SARS2: variants seen among roughly 807,000 people sequenced by gnomAD.
SARS2 encodes seryl-tRNA synthetase 2, mitochondrial.
Under a neutral mutation model 66.8 loss-of-function variants are expected in SARS2, and 52 were observed. That is an observed-to-expected ratio of 0.78 (90% CI 0.62 to 0.98). The LOEUF (loss-of-function observed/expected upper bound fraction) is 0.98. Among genes scored for constraint, SARS2 ranks in the 50% least tolerant of loss-of-function variants. The pLI, the probability that SARS2 is intolerant of heterozygous loss-of-function variation, is 0.00. For synonymous variants in SARS2, 306 were observed against 281.4 expected, an observed-to-expected ratio of 1.09 and a Z score of -0.87; for missense variants, 673 against 706.3, an observed-to-expected ratio of 0.95 and a Z score of 0.53.
intron 2 of SARS2, among the ~76,000 whole-genome samples, chr19:38,922,580 C>T (rs751462573): frequency 6.6e-6 from 1 of 152,130 alleles, no homozygotes; most frequent in Non-Finnish European, 1.5e-5. Flanking sequence ...TCGTGTAAAC[C>T]CTGTGATATG....
intron 1 of SARS2, among the ~76,000 whole-genome samples, chr19:38,927,382 A>G (rs1974645877): frequency 6.6e-6 from 1 of 152,074 alleles, no homozygotes; most frequent in African/African-American, 2.4e-5. Context: ...CAGCCTGGGC[A>G]ACATGGAGAA....
At chr19:38,923,898 C>T (rs527663938) in intron 2 of SARS2, among the ~76,000 whole-genome samples, 11 of 152,040 alleles carry the variant, frequency 7.2e-5, no homozygotes, top group East Asian at 1.9e-4. Flanking sequence ...GGCGTGAACC[C>T]GGGAGGCAAA....
chr19:38,923,244 C>T lies in SARS2; in HGVS notation c.364-977G>A, dbSNP rs796262567. Among the ~76,000 whole-genome samples the T allele has an allele frequency of 4.9e-3, 430 of 88,588 alleles. 3 individuals carry two copies. The highest frequency in any genetic ancestry group is 0.019 in the African/African-American group (402 of 21,184). The allele number at this position is 88,588 out of a possible 152,430, so 58.1% of individuals were successfully genotyped here. On this transcript the variant is annotated intron_variant, in intron 2 of 15. Transcript: ENST00000221431. ...CTTTTTTTTTTTTTTTTTTTTGAGA[C>T]GGAGTCTCGCTCTGTCGCCCAGGCT...
In SARS2 at chr19:38,921,353, G is replaced by A. The variant is rs80277295; in HGVS notation, c.589+39C>T. On this transcript the variant is annotated intron_variant, in intron 5 of 15. Transcript: ENST00000221431. ...CCCGAGACCCCAGAACCCCCACACC[G>A]CAGGGCTTGTCAGCTCCCAGGCCTG... 4.3e-3 allele frequency: 6,915 copies of A among 1,605,548 alleles called. 37 individuals are homozygous for A. The highest frequency in any genetic ancestry group is 0.011 in the South Asian group (1,018 of 90,518).
At chr19:38,920,288 G>C in intron 5 of SARS2, 139 bp from the exon 6 acceptor site, 1 of 719,658 alleles carries the variant, frequency 1.4e-6, no homozygotes, top group Non-Finnish European at 2.5e-6. Flanking sequence ...GGGAGAAGAA[G>C]ACACGGAAAG....
In SARS2 at chr19:38,915,623, G is replaced by T. The variant is rs1377858088; in HGVS notation, c.1540C>A (p.Gln514Lys). The T allele has an allele frequency of 6.2e-7, 1 of 1,612,704 alleles. No individual in the cohort carries two copies. Among genetic ancestry groups the T allele is most frequent in the Non-Finnish European group, 8.5e-7 (1 of 1,179,780 alleles). The stretch of plus-strand genomic sequence containing the variant: ...GTGGGTTCTTAGCTTACAGCAGGCT[G>T]GCCAGGCAGCCCAGGCTTCCGGGGC... ...NQPRKPGLPGQPAVS is the reference protein window; with the variant it reads ...NQPRKPGLPGKPAVS Residue 514 changes from glutamine to lysine, a missense_variant, in exon 16 of 16, where the codon CAG becomes AAG. Coordinates refer to ENST00000221431, the MANE Select transcript of SARS2 (RefSeq NM_017827.4).
At chr19:38,927,634 CA>C (rs1410957756) in intron 1 of SARS2, among the ~76,000 whole-genome samples, 2 of 152,094 alleles carry the variant, frequency 1.3e-5, no homozygotes, top group African/African-American at 4.8e-5. Context: ...TTTTCCATGG[CA>C]GCCGTACCAC....
At chr19:38,923,512 G>A (rs1600169748) in intron 2 of SARS2, among the ~76,000 whole-genome samples, 1 of 149,250 alleles carries the variant, frequency 6.7e-6, no homozygotes, top group Admixed American at 6.7e-5. Flanking sequence ...GTGAGCCACC[G>A]CGCCCGGCCT....
At chr19:38,920,658 GAC>G (rs1974504996) in intron 5 of SARS2, among the ~76,000 whole-genome samples, 1 of 149,470 alleles carries the variant, frequency 6.7e-6, no homozygotes, top group African/African-American at 2.5e-5. Context: ...CACATACACA[GAC>G]ACGCAGAGAC....
chr19:38,915,820 G>C (rs375903898), intron 15 of SARS2, 21 bp downstream of exon 15: 211 of 1,613,248 alleles, frequency 1.3e-4, no homozygotes, highest in Non-Finnish European at 1.8e-4. Flanking sequence ...GCCTCTCTGG[G>C]TGGGCCCCTC....
At chr19:38,916,436 C>G in intron 12 of SARS2, 122 bp from the exon 13 acceptor site, 4 of 811,362 alleles carry the variant, frequency 4.9e-6, no homozygotes, top group Non-Finnish European at 8.2e-6. Flanking sequence ...AGTTTGAGAC[C>G]AGCCTGGGCA....
chr19:38,921,364 C>G, intron 5 of SARS2, 28 bp downstream of exon 5: 1 of 1,611,528 alleles, frequency 6.2e-7, no homozygotes. Flanking sequence ...CAGGGCTTGT[C>G]AGCTCCCAGG....
At chr19:38,927,617 C>T (rs186676130) in intron 1 of SARS2, among the ~76,000 whole-genome samples, 76 of 152,194 alleles carry the variant, frequency 5.0e-4, no homozygotes, top group Non-Finnish European at 8.4e-4. Context: ...GAGGAACTGC[C>T]ATACGGTTTT....
At chr19:38,917,625 G>A in intron 12 of SARS2, 99 bp downstream of exon 12, 1 of 804,006 alleles carries the variant, frequency 1.2e-6, no homozygotes, top group East Asian at 2.7e-5. Flanking sequence ...CAACGAGGGG[G>A]CTGGAGAGGT....
At position 38,926,223 on chromosome 19, in the gene SARS2, C is replaced by T. The variant is rs769546666; in HGVS notation, c.345G>A (p.Glu115=). 47 of 1,606,640 alleles carry T rather than the reference C, an allele frequency of 2.9e-5. No individual in the cohort carries two copies. Among genetic ancestry groups the T allele is most frequent in the Non-Finnish European group, 3.9e-5 (46 of 1,179,942 alleles). Residue 115 remains glutamate (E), a synonymous_variant, in exon 2 of 16, where the codon GAG becomes GAA. Coordinates refer to ENST00000221431, the MANE Select transcript of SARS2 (RefSeq NM_017827.4). ...TGCTCACCAGCAGGGCCCGCACTGC[C>T]TCAGTCACAGCTGCCTTCTCTTCCT... The part of the protein sequence containing the change: ...SLEEEKAAVT[E]AVRALLANQD...
intron 7 of SARS2, 117 bp from the exon 8 acceptor site, chr19:38,918,930 C>T: frequency 1.7e-5 from 17 of 1,017,596 alleles, no homozygotes; most frequent in Non-Finnish European, 2.4e-5. Context: ...GAGGCAGGGG[C>T]TGGCGCAGTG....
At chr19:38,920,784 G>T (rs972047278) in intron 5 of SARS2, among the ~76,000 whole-genome samples, 2 of 149,612 alleles carry the variant, frequency 1.3e-5, no homozygotes, top group Non-Finnish European at 3.0e-5. Flanking sequence ...GATACACGGA[G>T]ATATGCAGAT....
At position 38,917,722 on chromosome 19, in the gene SARS2, A is replaced by G. The variant is rs1296961428; in HGVS notation, c.1160+2T>C. 1.4e-6 allele frequency: 2 copies of G among 1,414,496 alleles called. No individual in the cohort carries two copies. Among genetic ancestry groups the G allele is most frequent in the Non-Finnish European group, 1.9e-6 (2 of 1,050,330 alleles). 87.6% of individuals were successfully genotyped at this position (1,414,496 alleles called of 1,614,324 possible). A position where few individuals can be genotyped will look rare whatever the true frequency, so the allele number is the denominator to read the frequency against. Reference sequence around the variant, plus strand: ...CCCTGGATCCCTGGCCCCTCTCCACACCGGAAGTGCAAGCCCAGCTCTGTC... The same window carrying G: ...CCCTGGATCCCTGGCCCCTCTCCACGCCGGAAGTGCAAGCCCAGCTCTGTC... On this transcript the variant is annotated splice_donor_variant, in intron 12 of 15. Coordinates refer to ENST00000221431, the MANE Select transcript of SARS2 (RefSeq NM_017827.4). LOFTEE classifies it high-confidence loss of function.
rs780909462 is a variant in SARS2 at position 38,916,117 on chromosome 19, A to G, written c.1267T>C (p.Ser423Pro). 6.2e-7 allele frequency: 1 copy of G among 1,613,912 alleles called. No homozygotes were observed. The highest frequency in any genetic ancestry group is 1.7e-5 in the Admixed American group (1 of 60,022). Residue 423 changes from serine to proline, a missense_variant, in exon 14 of 16, where the codon TCC becomes CCC. Coordinates refer to ENST00000221431, the MANE Select transcript of SARS2 (RefSeq NM_017827.4). ...CGGCTCTGGAAGTCTGTGCAGTTGGAAGCACTGGTGACCTGGGGTGGAGGA... is the reference window on the plus strand; with the variant it reads ...CGGCTCTGGAAGTCTGTGCAGTTGGGAGCACTGGTGACCTGGGGTGGAGGA... ...RGRFGEVTSASNCTDFQSRRL... is the reference protein window; with the variant it reads ...RGRFGEVTSAPNCTDFQSRRL...
Sources: allele counts gnomAD v4.1 joint callset (sites outside exome capture counted in the v4.1 genomes callset), GRCh38; gene constraint gnomAD v4.1.1; transcripts MANE v1.5; gene names NCBI Gene and HGNC (gene_info 2026-07-23, HGNC 2026-07-21).